SNX3: variants seen among roughly 807,000 people sequenced by gnomAD.
The protein encoded by SNX3 is sorting nexin-3.
A neutral mutation model predicts 17.7 loss-of-function variants in SNX3; 5 were observed. That is an observed-to-expected ratio of 0.28 (90% CI 0.15 to 0.59). The LOEUF (loss-of-function observed/expected upper bound fraction) is 0.59. SNX3 is among the 20% of genes least tolerant of loss of function. SNX3 has a pLI of 0.88. For synonymous variants in SNX3, 91 were observed against 76.5 expected, an observed-to-expected ratio of 1.19 and a Z score of -0.99; for missense variants, 132 against 206.8, an observed-to-expected ratio of 0.64 and a Z score of 2.22.
At chr6:108,240,697 G>A (rs1775488939) in intron 1 of SNX3, among the ~76,000 whole-genome samples, 1 of 152,178 alleles carries the variant, frequency 6.6e-6, no homozygotes, top group Non-Finnish European at 1.5e-5. Context: ...GAAACCAACA[G>A]CAACATTGGC....
chr6:108,238,849 T>C (rs1562432492), intron 1 of SNX3, among the ~76,000 whole-genome samples: 1 of 151,990 alleles, frequency 6.6e-6, no homozygotes, highest in African/African-American at 2.4e-5. Flanking sequence ...TATAATTCAA[T>C]ATTTGCTTTG....
chr6:108,247,499 C>T (rs510800), intron 1 of SNX3, among the ~76,000 whole-genome samples: 97,024 of 151,334 alleles, frequency 0.64, 31,513 homozygotes, highest in East Asian at 0.78. Flanking sequence ...TCCTAAGTAG[C>T]TGGGACTACT....
At chr6:108,260,668 G>GT in intron 1 of SNX3, 92 bp downstream of exon 1, 1 of 1,466,350 alleles carries the variant, frequency 6.8e-7, no homozygotes, top group Non-Finnish European at 9.4e-7. Context: ...CTGGGAGGCT[G>GT]TGGCTGCCCG....
At chr6:108,236,378 ATT>A (rs1184591793) in intron 1 of SNX3, among the ~76,000 whole-genome samples, 232 of 133,402 alleles carry the variant, frequency 1.7e-3, no homozygotes, top group African/African-American at 6.0e-3. Context: ...TATTATTATT[ATT>A]TTTTTTTTTT....
intron 1 of SNX3, among the ~76,000 whole-genome samples, chr6:108,253,732 C>T (rs1224288540): frequency 1.3e-5 from 2 of 152,128 alleles, no homozygotes; most frequent in Non-Finnish European, 2.9e-5. Context: ...TATTTCTCTT[C>T]CTTCTCTACT....
intron 1 of SNX3, among the ~76,000 whole-genome samples, chr6:108,232,414 T>C (rs1259363829): frequency 1.3e-5 from 2 of 152,122 alleles, no homozygotes; most frequent in African/African-American, 2.4e-5. Flanking sequence ...CACAGGAAAC[T>C]ACCACATTAT....
intron 2 of SNX3, among the ~76,000 whole-genome samples, chr6:108,221,856 A>C (rs914751878): frequency 6.6e-6 from 1 of 151,986 alleles, no homozygotes; most frequent in African/African-American, 2.4e-5. Flanking sequence ...CTCTTTATTT[A>C]GGTCTGGTCT....
chr6:108,241,432 G>A (rs1360648075), intron 1 of SNX3, among the ~76,000 whole-genome samples: 1 of 151,938 alleles, frequency 6.6e-6, no homozygotes, highest in African/African-American at 2.4e-5. Context: ...AAGGTGGGAG[G>A]ACTGCTTGAG....
At chr6:108,250,896 T>C (rs1775837089) in intron 1 of SNX3, among the ~76,000 whole-genome samples, 1 of 152,220 alleles carries the variant, frequency 6.6e-6, no homozygotes, top group African/African-American at 2.4e-5. Context: ...AAAGTAACTT[T>C]ACAAAATTAT....
intron 1 of SNX3, among the ~76,000 whole-genome samples, chr6:108,254,895 G>T (rs1247995433): frequency 1.3e-5 from 2 of 152,148 alleles, no homozygotes; most frequent in Middle Eastern, 6.3e-3. Context: ...GGATACAAAA[G>T]AACTCAGCTT....
At chr6:108,223,119 C>A (rs1448299317) in intron 1 of SNX3, 74 bp from the exon 2 acceptor site, 1 of 729,550 alleles carries the variant, frequency 1.4e-6, no homozygotes, top group South Asian at 1.6e-5. Flanking sequence ...ACGGGTATGG[C>A]AAAACAAAAG....
chr6:108,213,574 C>G (rs943474431), intron 3 of SNX3, among the ~76,000 whole-genome samples: 2 of 151,580 alleles, frequency 1.3e-5, no homozygotes, highest in Non-Finnish European at 2.9e-5. Flanking sequence ...ATCACTTGAA[C>G]CTGGGAGGTG....
chr6:108,224,394 C>A (rs1437110343), intron 1 of SNX3, among the ~76,000 whole-genome samples: 2 of 152,190 alleles, frequency 1.3e-5, no homozygotes, highest in East Asian at 3.8e-4. Flanking sequence ...CATTCTCCTG[C>A]CTCAGCCTCC....
In SNX3 at chr6:108,211,557, A is replaced by G. The variant is rs1375828052; in HGVS notation, c.*592T>C. 3 of 152,694 alleles carry G rather than the reference A, an allele frequency of 2.0e-5. No individual in the cohort carries two copies. The highest frequency in any genetic ancestry group is 4.4e-5 in the Non-Finnish European group (3 of 68,072). 9.5% of individuals were successfully genotyped at this position (152,694 alleles called of 1,614,324 possible). On this transcript the variant is annotated 3_prime_UTR_variant, in exon 4 of 4. Transcript: ENST00000230085. ...TTAATTTTTATTTGAAAACAACTTAAATTTTTAGACAAATGATTTTAGTAT... is the reference window on the plus strand; with the variant it reads ...TTAATTTTTATTTGAAAACAACTTAGATTTTTAGACAAATGATTTTAGTAT...
chr6:108,243,864 T>C (rs1436887101), intron 1 of SNX3, among the ~76,000 whole-genome samples: 2 of 151,964 alleles, frequency 1.3e-5, no homozygotes, highest in Non-Finnish European at 2.9e-5. Context: ...ACCTGGGAGG[T>C]GAAGGTTGCA....
chr6:108,247,490 C>T (rs1775726355), intron 1 of SNX3, among the ~76,000 whole-genome samples: 2 of 151,840 alleles, frequency 1.3e-5, no homozygotes, highest in Admixed American at 1.3e-4. Context: ...ACCTCAGCCT[C>T]CTAAGTAGCT....
At chr6:108,223,497 CTTTTTTTTTTTT>C (rs59920022) in intron 1 of SNX3, among the ~76,000 whole-genome samples, 7 of 110,370 alleles carry the variant, frequency 6.3e-5, no homozygotes, top group South Asian at 6.3e-4. Flanking sequence ...TTTGCTAGTT[CTTTTTTTTTTTT>C]TTTTTTTTTT....
At position 108,260,847 on chromosome 6, in the gene SNX3, G is replaced by C; in HGVS notation, c.75C>G (p.Pro25=). Residue 25 remains proline (P), a synonymous_variant, in exon 1 of 4, where the codon CCC becomes CCG. Transcript: ENST00000230085. ...TCACATCGATCTCGAGGAAGTTGCT[G>C]GGGGGTCCGTAGGCGTCATTCAGGT... ...PQNLNDAYGP[P]SNFLEIDVSN... The C allele has an allele frequency of 6.2e-7, 1 of 1,613,234 alleles. No individual in the cohort carries two copies.
intron 1 of SNX3, among the ~76,000 whole-genome samples, chr6:108,235,668 G>T (rs559117880): frequency 1.3e-5 from 2 of 152,238 alleles, no homozygotes; most frequent in South Asian, 4.1e-4. Flanking sequence ...TGCCGAGGTG[G>T]GTGAATCACT....
Sources: allele counts gnomAD v4.1 joint callset (sites outside exome capture counted in the v4.1 genomes callset), GRCh38; gene constraint gnomAD v4.1.1; transcripts MANE v1.5; gene names NCBI Gene and HGNC (gene_info 2026-07-23, HGNC 2026-07-21).